Variants in ACVR1B observed in about 807,000 individuals in gnomAD.
The protein encoded by ACVR1B is activin receptor type-1B.
Under a neutral mutation model 55.6 loss-of-function variants are expected in ACVR1B, and 15 were observed. The ratio of observed to expected loss-of-function variants is 0.27; its 90% CI spans 0.18 to 0.42. The LOEUF (loss-of-function observed/expected upper bound fraction) is 0.42, where lower values mean the gene tolerates loss of function less well. Ranked by LOEUF, ACVR1B falls within the 10% of genes least tolerant of loss-of-function variation. The probability of loss-of-function intolerance (pLI) is 1.00; values close to 1 mark genes in which losing one functional copy is unlikely to be tolerated. For missense variants in ACVR1B, 359 were observed against 670.1 expected, an observed-to-expected ratio of 0.54 and a Z score of 5.13; for synonymous variants, 247 against 254.6, an observed-to-expected ratio of 0.97 and a Z score of 0.28.
Position 51,953,492 on chromosome 12 carries a change from C to T in ACVR1B, c.91+1658C>T, listed in dbSNP as rs576318004. ...GTGAAGGTGTATGAACAGAGCTTGA[C>T]ATTTGTGGTGAGATAATGATTTGCA... is the stretch of plus-strand genomic sequence containing the variant. On this transcript the variant is annotated intron_variant, in intron 1 of 8. Coordinates refer to ENST00000257963, the MANE Select transcript of ACVR1B (RefSeq NM_004302.5). 3.4e-5 allele frequency: 33 copies of T among 984,248 alleles called. No homozygotes were observed. The South Asian group carries it at 1.2e-3, about 36-fold the overall frequency. The allele number at this position is 984,248 out of a possible 1,614,324, so 61.0% of individuals were successfully genotyped here.
chr12:51,963,762 GT>G (rs1446884745), intron 1 of ACVR1B, among the ~76,000 whole-genome samples: 1 of 152,148 alleles, frequency 6.6e-6, no homozygotes, highest in Non-Finnish European at 1.5e-5. Flanking sequence ...TCATGTACAA[GT>G]CTGTGTTTAA....
chr12:51,961,045 T>A (rs991343426), intron 1 of ACVR1B, among the ~76,000 whole-genome samples: 2 of 98,062 alleles, frequency 2.0e-5, no homozygotes, highest in African/African-American at 2.9e-5. Context: ...GGAATGCTTC[T>A]CCCCACTTCT....
intron 3 of ACVR1B, among the ~76,000 whole-genome samples, chr12:51,976,797 A>G (rs1225317435): frequency 2.0e-5 from 3 of 152,214 alleles, no homozygotes; most frequent in South Asian, 4.1e-4. Flanking sequence ...GGTCTAGTAC[A>G]CAATTATCCA....
intron 3 of ACVR1B, among the ~76,000 whole-genome samples, chr12:51,978,296 G>C (rs1404769011): frequency 6.6e-6 from 1 of 152,154 alleles, no homozygotes; most frequent in African/African-American, 2.4e-5. Flanking sequence ...CAGACCAGCT[G>C]AAACAAGGGA....
At chr12:51,969,417 CTG>C (rs1345867829) in intron 1 of ACVR1B, among the ~76,000 whole-genome samples, 2 of 152,148 alleles carry the variant, frequency 1.3e-5, no homozygotes, top group South Asian at 2.1e-4. Context: ...AGCCAGAAGA[CTG>C]TTAAATTGAC....
chr12:51,985,249 A>T lies in ACVR1B; in HGVS notation c.1037A>T (p.Asn346Ile). The change falls in exon 6 of 9, where the codon AAT (asparagine) becomes ATT (isoleucine). Residue 346 changes from asparagine (N) to isoleucine (I), a missense_variant. By Grantham distance (149) the Asn-to-Ile change is moderately radical. Around this residue, in one of 5 missense-constraint regions of ACVR1B, gnomAD observed 119 missense variants for 340.2 expected, o/e 0.35. Transcript: ENST00000257963. Reference sequence around the variant, plus strand: ...TCAAAGAACATTCTGGTGAAGAAAAATGGCATGTGTGCCATAGCAGACCTG... The same window carrying T: ...TCAAAGAACATTCTGGTGAAGAAAATTGGCATGTGTGCCATAGCAGACCTG... ...LKSKNILVKKNGMCAIADLGL... is the reference protein window; with the variant it reads ...LKSKNILVKKIGMCAIADLGL... 1 of 1,614,012 alleles carries T rather than the reference A, an allele frequency of 6.2e-7. No individual in the cohort carries two copies. Among genetic ancestry groups the T allele is most frequent in the Non-Finnish European group, 8.5e-7 (1 of 1,179,954 alleles).
chr12:51,957,289 T>C (rs1030120867), intron 1 of ACVR1B, among the ~76,000 whole-genome samples: 6 of 151,376 alleles, frequency 4.0e-5, no homozygotes, highest in Non-Finnish European at 5.9e-5. Context: ...CTATTAAAAA[T>C]ACAAAAATTA....
intron 4 of ACVR1B, chr12:51,982,733 G>A (rs551375052): frequency 6.5e-7 from 1 of 1,534,356 alleles, no homozygotes; most frequent in Non-Finnish European, 8.7e-7. Flanking sequence ...AATGGTCTCT[G>A]CTGCCCCCAA....
intron 1 of ACVR1B, among the ~76,000 whole-genome samples, chr12:51,958,859 G>A (rs953118359): frequency 2.0e-5 from 3 of 152,180 alleles, no homozygotes; most frequent in South Asian, 2.1e-4. Context: ...CTAACAGGCC[G>A]TGGACCAGTA....
At chr12:51,993,788 AAAAAAAAAAAAAAAAAGG>A (rs1942242244) in intron 8 of ACVR1B, among the ~76,000 whole-genome samples, 179 bp from the exon 9 acceptor site, 2 of 145,414 alleles carry the variant, frequency 1.4e-5, no homozygotes, top group African/African-American at 5.1e-5. Context: ...AAAAAAAAAA[AAAAAAAAAAAAAAAAAGG>A]AAGAGCCAGG....
At chr12:51,982,816 A>C (rs1313437238) in intron 4 of ACVR1B, 9 of 1,499,938 alleles carry the variant, frequency 6.0e-6, no homozygotes, top group Non-Finnish European at 7.9e-6. Context: ...TGAGTAAGCT[A>C]TTCCTTTTTA....
rs529779440 is a variant in ACVR1B at position 51,994,400 on chromosome 12, G to A, written c.*290G>A. On this transcript the variant is annotated 3_prime_UTR_variant, in exon 9 of 9. Coordinates refer to ENST00000257963, the MANE Select transcript of ACVR1B (RefSeq NM_004302.5). The surrounding 1 kb of genome is among the most constrained non-coding windows in gnomAD (Gnocchi z 4.2). ...TGTAGTGGGAAGTCCCGCGAAACCC[G>A]GTGCATCTGGCACGTGGCCAGGAGC... The A allele has an allele frequency of 5.2e-4, 185 of 358,128 alleles. No homozygotes were observed. Among genetic ancestry groups the A allele is most frequent in the Admixed American group, 8.3e-4 (18 of 21,740 alleles). The allele number at this position is 358,128 out of a possible 1,614,324, so 22.2% of individuals were successfully genotyped here.
chr12:51,972,532 G>C (rs991617850), intron 1 of ACVR1B, among the ~76,000 whole-genome samples: 2 of 152,158 alleles, frequency 1.3e-5, no homozygotes, highest in Non-Finnish European at 2.9e-5. Context: ...GTAAGTACAC[G>C]CTGTGAGGTT....
At position 51,978,829 on chromosome 12, in the gene ACVR1B, C is replaced by CAA. The variant is rs34088542; in HGVS notation, c.581-2121_581-2120dup. 3.8e-3 allele frequency among the ~76,000 whole-genome samples: 182 copies of CAA among 48,200 alleles called. 4 individuals carry two copies. Among genetic ancestry groups the CAA allele is most frequent in the African/African-American group, 0.01 (158 of 15,666 alleles). The allele number at this position is 48,200 out of a possible 152,430, so 31.6% of individuals were successfully genotyped here. ...TGGGCAACAGAGCGAGACTCCGTCT[C>CAA]AAAAAAAAAAAAAAAAAAAAGGCTG... On this transcript the variant is annotated intron_variant, in intron 3 of 8. Coordinates refer to ENST00000257963, the MANE Select transcript of ACVR1B (RefSeq NM_004302.5).
At chr12:51,988,972 C>T (rs1308643643) in intron 7 of ACVR1B, among the ~76,000 whole-genome samples, 1 of 151,926 alleles carries the variant, frequency 6.6e-6, no homozygotes, top group Non-Finnish European at 1.5e-5. Flanking sequence ...AAAAAATTAG[C>T]CAGACATAAA....
intron 2 of ACVR1B, among the ~76,000 whole-genome samples, chr12:51,975,833 C>T (rs1033884015): frequency 2.0e-5 from 3 of 152,112 alleles, no homozygotes; most frequent in Non-Finnish European, 4.4e-5. Context: ...GCCCCAGAGC[C>T]GAGCAAAGGT....
chr12:51,987,179 G>C (rs1330528312), intron 7 of ACVR1B: 1 of 701,190 alleles, frequency 1.4e-6, no homozygotes, highest in African/African-American at 1.8e-5. Flanking sequence ...CTGAAGGCTC[G>C]TTTGGCTTTA....
rs1288313468 is a variant in ACVR1B at position 51,994,000 on chromosome 12, G to C, written c.1408G>C (p.Gly470Arg). ...WQSYEALRVM[G>R]KMMRECWYAN... Reference sequence around the variant, plus strand: ...CTCTGCACAGGCACTGCGGGTGATGGGGAAGATGATGCGAGAGTGTTGGTA... The same window carrying C: ...CTCTGCACAGGCACTGCGGGTGATGCGGAAGATGATGCGAGAGTGTTGGTA... Residue 470 changes from glycine (G) to arginine (R), a missense_variant, in exon 9 of 9, where the codon GGG (glycine) becomes CGG (arginine). Transcript: ENST00000257963. 1.2e-6 allele frequency: 2 copies of C among 1,614,006 alleles called. No homozygotes were observed. Among genetic ancestry groups the C allele is most frequent in the East Asian group, 4.5e-5 (2 of 44,872 alleles).
At chr12:51,981,543 T>G (rs1230157058) in intron 4 of ACVR1B, among the ~76,000 whole-genome samples, 1 of 152,082 alleles carries the variant, frequency 6.6e-6, no homozygotes, top group Non-Finnish European at 1.5e-5. Context: ...TGAAAATCAC[T>G]AGGATGGGCT....
Sources: gnomAD v4.1 joint callset for allele counts (sites outside exome capture counted in the v4.1 genomes callset) on GRCh38, gnomAD v4.1.1 for gene constraint, gnomAD v4.1.1 regional missense constraint, Gnocchi (gnomAD v3.1) non-coding constraint, MANE v1.5 for transcripts, NCBI Gene and HGNC (gene_info 2026-07-23, HGNC 2026-07-21) for gene names.